Variants in CCBE1 observed in about 807,000 individuals in gnomAD.
CCBE1 encodes the protein collagen and calcium-binding EGF domain-containing protein 1.
In CCBE1, 37 loss-of-function variants were observed where a neutral mutation model predicts 50.0. The ratio of observed to expected loss-of-function variants is 0.74; its 90% CI spans 0.57 to 0.97. CCBE1 has a LOEUF of 0.97. Among genes scored for constraint, CCBE1 ranks in the 50% least tolerant of loss-of-function variants. The probability of loss-of-function intolerance (pLI) is 0.00; values close to 1 mark genes in which losing one functional copy is unlikely to be tolerated. For synonymous variants in CCBE1, 234 were observed against 203.7 expected (o/e 1.15, Z -1.27); for missense variants, 538 against 523.8 (o/e 1.03, Z -0.26).
chr18:59,451,433 T>TA (rs34421089), intron 6 of CCBE1, among the ~76,000 whole-genome samples: 56,727 of 99,188 alleles, frequency 0.57, 16,095 homozygotes, highest in Non-Finnish European at 0.6. Context: ...ACAAGCAACT[T>TA]AAAAAAAAAA....
In CCBE1 at chr18:59,540,816, C is replaced by T. The variant is rs540889808; in HGVS notation, c.213-60578G>A. ...CATAACAGATTACAGAACCGGTAAA[C>T]CCTGAAATATTTAATGTCTTGTCTT... On this transcript the variant is annotated intron_variant, in intron 2 of 10. Transcript: ENST00000439986. Among the ~76,000 whole-genome samples, 6 of 152,250 alleles carry T rather than the reference C, an allele frequency of 3.9e-5. No individual in the cohort carries two copies. The South Asian group carries it at 1.2e-3, about 32-fold the overall frequency.
rs757389832 is a variant in CCBE1, at chr18:59,466,879, C to T, written c.413G>A (p.Cys138Tyr). The change falls in exon 5 of 11, where the codon TGT becomes TAT. Residue 138 changes from cysteine to tyrosine, a missense_variant. Coordinates refer to ENST00000439986, the MANE Select transcript of CCBE1 (RefSeq NM_133459.4). ...ACACAGCGTCCCATTGCTGCTGGCACACTCATCAATATCTGGTTTGAACCA... is the reference window on the plus strand; with the variant it reads ...ACACAGCGTCCCATTGCTGCTGGCATACTCATCAATATCTGGTTTGAACCA... ...EKPYCLDIDE[C>Y]ASSNGTLCAH... The T allele has an allele frequency of 3.7e-6, 6 of 1,613,010 alleles. No individual in the cohort carries two copies. Among genetic ancestry groups the T allele is most frequent in the Non-Finnish European group, 5.1e-6 (6 of 1,179,432 alleles).
At chr18:59,672,569 C>T (rs760974981) in intron 2 of CCBE1, among the ~76,000 whole-genome samples, 4 of 152,176 alleles carry the variant, frequency 2.6e-5, no homozygotes, top group Non-Finnish European at 4.4e-5. Flanking sequence ...GCATCCAGCA[C>T]CCAGACCTCA....
At chr18:59,604,114 G>C (rs1037546394) in intron 2 of CCBE1, among the ~76,000 whole-genome samples, 4 of 152,220 alleles carry the variant, frequency 2.6e-5, no homozygotes, top group Admixed American at 1.3e-4. Flanking sequence ...ATCCAATGGA[G>C]AAAGTAGGCA....
rs2054298205 is a variant in CCBE1, at chr18:59,662,448, C to T, written c.212+34181G>A. Among the ~76,000 whole-genome samples the T allele has an allele frequency of 1.3e-5, 2 of 152,200 alleles. 1 individual carries two copies. Among genetic ancestry groups the T allele is most frequent in the South Asian group, 4.1e-4 (2 of 4,828 alleles). On this transcript the variant is annotated intron_variant, in intron 2 of 10. Coordinates refer to ENST00000439986, the MANE Select transcript of CCBE1 (RefSeq NM_133459.4). ...CAAATAGAGACCAGTTACACTTTGT[C>T]ATTTCCTAAATATTTTTTCCCACCT...
intron 2 of CCBE1, among the ~76,000 whole-genome samples, chr18:59,523,393 T>C (rs902381850): frequency 1.3e-5 from 2 of 151,076 alleles, no homozygotes; most frequent in Non-Finnish European, 2.9e-5. Context: ...GGTCTGTTTC[T>C]TACTGGGTAG....
At chr18:59,521,392 G>A (rs755039294) in intron 2 of CCBE1, among the ~76,000 whole-genome samples, 1 of 152,168 alleles carries the variant, frequency 6.6e-6, no homozygotes, top group African/African-American at 2.4e-5. Flanking sequence ...TGGATTGCAG[G>A]TGATTCTGGA....
rs975009387 is a variant in CCBE1, at chr18:59,598,309, G to A, written c.212+98320C>T. Reference sequence around the variant, plus strand: ...CACCTCTGTTGTGATACAGAAAGTCGCCCCCTCACCGCTGTGGGAAGCTGC... The same window carrying A: ...CACCTCTGTTGTGATACAGAAAGTCACCCCCTCACCGCTGTGGGAAGCTGC... On this transcript the variant is annotated intron_variant, in intron 2 of 10. Transcript: ENST00000439986. 3.3e-5 allele frequency among the ~76,000 whole-genome samples: 5 copies of A among 152,122 alleles called. 1 individual carries two copies. The highest frequency in any genetic ancestry group is 7.3e-5 in the Non-Finnish European group (5 of 68,028).
intron 7 of CCBE1, among the ~76,000 whole-genome samples, chr18:59,440,351 T>C (rs1039239877): frequency 6.6e-6 from 1 of 152,224 alleles, no homozygotes; most frequent in Non-Finnish European, 1.5e-5. Flanking sequence ...TATGGAGTAG[T>C]TGCATTACAT....
chr18:59,464,884 G>A (rs1911667115), intron 5 of CCBE1: 1 of 152,308 alleles, frequency 6.6e-6, no homozygotes, highest in Non-Finnish European at 1.5e-5. Flanking sequence ...GGCTATGGGT[G>A]ATTTGTCCTA....
At chr18:59,582,414 AT>A (rs1192237005) in intron 2 of CCBE1, among the ~76,000 whole-genome samples, 1 of 152,230 alleles carries the variant, frequency 6.6e-6, no homozygotes, top group Non-Finnish European at 1.5e-5. Context: ...CAGTCTAATC[AT>A]AATCACCAGA....
chr18:59,696,754 C>G, intron 1 of CCBE1, 45 bp from the exon 2 acceptor site: 1 of 1,595,608 alleles, frequency 6.3e-7, no homozygotes, highest in Non-Finnish European at 8.6e-7. Flanking sequence ...AGCGGGAGAG[C>G]GGAGGCGGGC....
chr18:59,646,203 G>A (rs1375717496), intron 2 of CCBE1, among the ~76,000 whole-genome samples: 2 of 152,166 alleles, frequency 1.3e-5, no homozygotes, highest in African/African-American at 4.8e-5. Flanking sequence ...TGTTTGTCAG[G>A]CATAGGAAAC....
chr18:59,480,198 A>G lies in CCBE1; in HGVS notation c.253T>C (p.Cys85Arg). 6.3e-7 allele frequency: 1 copy of G among 1,595,054 alleles called. No homozygotes were observed. The highest frequency in any genetic ancestry group is 8.6e-7 in the Non-Finnish European group (1 of 1,163,120). The change falls in exon 3 of 11, where the codon TGC (cysteine) becomes CGC (arginine). Residue 85 changes from cysteine (C) to arginine (R), a missense_variant. Cys to Arg is a radical substitution (Grantham distance 180). Transcript: ENST00000439986. ...TTATATTACATACCTTCTGGGATGC[A>G]TTGTCCAAGAACAAATTTATATCCT... ...CKGYKFVLGQ[C>R]IPEDYDVCAE...
At chr18:59,439,292 G>GA (rs916510258) in intron 9 of CCBE1, among the ~76,000 whole-genome samples, 6 of 148,330 alleles carry the variant, frequency 4.0e-5, no homozygotes, top group East Asian at 2.0e-4. Flanking sequence ...GTCTCAAAAA[G>GA]AAAAAAAAAG....
At chr18:59,438,036 C>A (rs1910237965) in intron 10 of CCBE1, 75 bp downstream of exon 10, 12 of 1,514,024 alleles carry the variant, frequency 7.9e-6, no homozygotes, top group Non-Finnish European at 1.1e-5. Context: ...TGCTACTAGA[C>A]CAACCTATAG....
At chr18:59,552,759 C>T (rs1386802229) in intron 2 of CCBE1, among the ~76,000 whole-genome samples, 1 of 152,172 alleles carries the variant, frequency 6.6e-6, no homozygotes, top group Non-Finnish European at 1.5e-5. Flanking sequence ...TTTTCACTTG[C>T]CTCTCTAGTG....
At chr18:59,638,542 C>T (rs1342536821) in intron 2 of CCBE1, among the ~76,000 whole-genome samples, 1 of 152,136 alleles carries the variant, frequency 6.6e-6, no homozygotes, top group Non-Finnish European at 1.5e-5. Flanking sequence ...TTTAATAAGC[C>T]CTCTACAAGT....
chr18:59,621,199 GAA>G (rs2053705774), intron 2 of CCBE1, among the ~76,000 whole-genome samples: 1 of 152,170 alleles, frequency 6.6e-6, no homozygotes, highest in Non-Finnish European at 1.5e-5. Flanking sequence ...AGCTCTGAAA[GAA>G]ACAGCTAAAA....
Sources: gnomAD v4.1 joint callset for allele counts (sites outside exome capture counted in the v4.1 genomes callset) on GRCh38, gnomAD v4.1.1 for gene constraint, MANE v1.5 for transcripts, NCBI Gene and HGNC (gene_info 2026-07-23, HGNC 2026-07-21) for gene names.